Variants in MAN1C1 observed in about 807,000 individuals in gnomAD.
The protein encoded by MAN1C1 is mannosyl-oligosaccharide 1,2-alpha-mannosidase IC.
A neutral mutation model predicts 71.5 loss-of-function variants in MAN1C1; 49 were observed. That is an observed-to-expected ratio of 0.69 (90% confidence interval 0.54 to 0.87). The LOEUF is 0.87. Among genes scored for constraint, MAN1C1 ranks in the 40% least tolerant of loss-of-function variants. The pLI is 0.00. For synonymous variants in MAN1C1, 352 were observed against 343.7 expected (o/e 1.02, Z -0.27); for missense variants, 743 against 835.0 (o/e 0.89, Z 1.36).
intron 4 of MAN1C1, among the ~76,000 whole-genome samples, chr1:25,752,153 C>G (rs1341128473): frequency 6.6e-6 from 1 of 152,124 alleles, no homozygotes; most frequent in East Asian, 1.9e-4. Context: ...CAGCTGCACA[C>G]GTGAGGTTGG....
chr1:25,692,925 A>G (rs1419358938), intron 2 of MAN1C1, among the ~76,000 whole-genome samples: 7 of 152,148 alleles, frequency 4.6e-5, no homozygotes, highest in African/African-American at 1.7e-4. Flanking sequence ...CTTCCACCAT[A>G]GGAACATCTT....
intron 1 of MAN1C1, among the ~76,000 whole-genome samples, chr1:25,671,431 G>A (rs1439958441): frequency 6.6e-6 from 1 of 152,154 alleles, no homozygotes; most frequent in Non-Finnish European, 1.5e-5. Flanking sequence ...TAGGGGTTGG[G>A]GATACAGAGG....
chr1:25,739,869 A>G (rs1219439298), intron 2 of MAN1C1, among the ~76,000 whole-genome samples: 2 of 152,134 alleles, frequency 1.3e-5, no homozygotes, highest in Non-Finnish European at 2.9e-5. Context: ...TGTTCAGCCG[A>G]ACCCCTTACC....
intron 2 of MAN1C1, among the ~76,000 whole-genome samples, chr1:25,701,823 G>A (rs977992657): frequency 9.9e-5 from 15 of 152,176 alleles, no homozygotes; most frequent in African/African-American, 2.2e-4. Context: ...ACTTTGGGAG[G>A]CCCAGGCGGG....
chr1:25,684,533 A>C (rs118065447), intron 1 of MAN1C1, among the ~76,000 whole-genome samples: 1 of 152,294 alleles, frequency 6.6e-6, no homozygotes, highest in East Asian at 1.9e-4. Flanking sequence ...CCTCAGTTAC[A>C]TCATCTGTGA....
At position 25,746,915 on chromosome 1, in the gene MAN1C1, G is replaced by A. The variant is rs746302583; in HGVS notation, c.753+132G>A. ...CACGGCTGCACAGCCCAGCAGTCTC[G>A]GAACCGGAGCTGCCGTGCAGTCTGT... On this transcript the variant is annotated intron_variant, in intron 3 of 11. Coordinates refer to ENST00000374332, the MANE Select transcript of MAN1C1 (RefSeq NM_020379.4). This position sits in a 1 kb window ranked among gnomAD's most constrained non-coding sequence, Gnocchi z 4.0. 2.4e-5 allele frequency: 16 copies of A among 656,904 alleles called. No homozygotes were observed. Among genetic ancestry groups the A allele is most frequent in the South Asian group, 2.3e-4 (12 of 51,900 alleles). 40.7% of individuals were successfully genotyped at this position (656,904 alleles called of 1,614,324 possible). A position where few individuals can be genotyped will look rare whatever the true frequency, so the allele number is the denominator to read the frequency against.
intron 7 of MAN1C1, among the ~76,000 whole-genome samples, chr1:25,768,462 T>A (rs1294914057): frequency 9.4e-5 from 7 of 74,502 alleles, no homozygotes; most frequent in Admixed American, 1.8e-4. Flanking sequence ...CACACTCCCC[T>A]CACACACACA....
chr1:25,758,098 G>A (rs2047313295), intron 5 of MAN1C1, among the ~76,000 whole-genome samples: 1 of 152,214 alleles, frequency 6.6e-6, no homozygotes, highest in South Asian at 2.1e-4. Flanking sequence ...TGCTGGGAGA[G>A]GGAAAGAGCT....
In MAN1C1 at chr1:25,650,761, C is replaced by T. The variant is rs1476225422; in HGVS notation, c.540+32424C>T. On this transcript the variant is annotated intron_variant, in intron 1 of 11. Coordinates refer to ENST00000374332, the MANE Select transcript of MAN1C1 (RefSeq NM_020379.4). ...AATGGCTATTAGGAGAGCTGGCTGC[C>T]CACTTTCACTCTTGGCTTGTGCAAG... Among the ~76,000 whole-genome samples the T allele has an allele frequency of 3.9e-5, 6 of 152,236 alleles. No homozygotes were observed. The South Asian group carries it at 8.3e-4, about 21-fold the overall frequency.
At position 25,746,699 on chromosome 1, in the gene MAN1C1, C is replaced by T. The variant is rs751410560; in HGVS notation, c.669C>T (p.Ser223=). Residue 223 remains serine (S), a synonymous_variant, in exon 3 of 12, where the codon TCC becomes TCT. Transcript: ENST00000374332. This position sits in a 1 kb window ranked among gnomAD's most constrained non-coding sequence, Gnocchi z 4.0. ...TCAGCGGGGCAACAGTCATTGACTC[C>T]CTCGATACCCTCTACCTCATGGAGC... is the stretch of plus-strand genomic sequence containing the variant. ...GGLSGATVID[S]LDTLYLMELK... is the part of the protein sequence containing the mutation. The T allele has an allele frequency of 3.1e-6, 5 of 1,613,956 alleles. No homozygotes were observed. The South Asian group carries it at 5.5e-5, about 18-fold the overall frequency.
At position 25,618,139 on chromosome 1, in the gene MAN1C1, C is replaced by A; in HGVS notation, c.342C>A (p.Pro114=). Residue 114 remains proline (P), a synonymous_variant, in exon 1 of 12, where the codon CCC becomes CCA. Coordinates refer to ENST00000374332, the MANE Select transcript of MAN1C1 (RefSeq NM_020379.4). ...RRKGGLRRTR[P]TGPREEATAA... ...AAGGGGGGCTGCGGCGCACCCGCCC[C>A]ACTGGACCCCGCGAGGAGGCCACGG... 2 of 1,533,630 alleles carry A rather than the reference C, an allele frequency of 1.3e-6. No individual in the cohort carries two copies. Among genetic ancestry groups the A allele is most frequent in the East Asian group, 2.5e-5 (1 of 40,024 alleles).
At position 25,776,212 on chromosome 1, in the gene MAN1C1, T is replaced by A. The variant is rs1234417768; in HGVS notation, c.1258-1893T>A. 1.3e-5 allele frequency among the ~76,000 whole-genome samples: 2 copies of A among 152,310 alleles called. No individual in the cohort carries two copies. Among genetic ancestry groups the A allele is most frequent in the Middle Eastern group, 3.4e-3 (1 of 294 alleles). ...CCTCCCCGCATACCCCTGCATTTTT[T>A]AATCTCATCCTCTCACTTTGTTTTA... On this transcript the variant is annotated intron_variant, in intron 8 of 11. Coordinates refer to ENST00000374332, the MANE Select transcript of MAN1C1 (RefSeq NM_020379.4). This position sits in a 1 kb window ranked among gnomAD's most constrained non-coding sequence, Gnocchi z 4.3.
At chr1:25,716,410 G>A (rs2046681768) in intron 2 of MAN1C1, among the ~76,000 whole-genome samples, 3 of 152,168 alleles carry the variant, frequency 2.0e-5, no homozygotes, top group Admixed American at 2.0e-4. Flanking sequence ...TCGGCTCACT[G>A]CAACCTCCAC....
At position 25,758,701 on chromosome 1, in the gene MAN1C1, G is replaced by A. The variant is rs746483282; in HGVS notation, c.1039G>A (p.Ala347Thr). The stretch of plus-strand genomic sequence containing the variant: ...TGAACTCTCTGGCAACCAGGTCTTC[G>A]CTGAAAAGGCAAGTCTCCTCCCCAC... ...LTELSGNQVF[A>T]EKVRNIRKVL... The change falls in exon 6 of 12, where the codon GCT (alanine) becomes ACT (threonine). Residue 347 changes from alanine (A) to threonine (T), a missense_variant. Physicochemically the swap from Ala to Thr is moderately conservative, Grantham distance 58. Coordinates refer to ENST00000374332, the MANE Select transcript of MAN1C1 (RefSeq NM_020379.4). 2.7e-5 allele frequency: 44 copies of A among 1,613,430 alleles called. No individual in the cohort carries two copies. Among genetic ancestry groups the A allele is most frequent in the East Asian group, 4.5e-5 (2 of 44,884 alleles).
At chr1:25,677,309 T>C (rs2046082489) in intron 1 of MAN1C1, among the ~76,000 whole-genome samples, 2 of 152,076 alleles carry the variant, frequency 1.3e-5, no homozygotes, top group Non-Finnish European at 2.9e-5. Flanking sequence ...AGGGAAGGCT[T>C]TGTGGTCTAT....
At chr1:25,677,176 A>G (rs1369418375) in intron 1 of MAN1C1, among the ~76,000 whole-genome samples, 2 of 152,246 alleles carry the variant, frequency 1.3e-5, no homozygotes, top group East Asian at 3.8e-4. Context: ...TTGTTCAGGT[A>G]GACAAGAACA....
Position 25,618,309 on chromosome 1 carries a change from T to G in MAN1C1, c.512T>G (p.Val171Gly). The change falls in exon 1 of 12, where the codon GTG (valine) becomes GGG (glycine). Residue 171 changes from valine to glycine, a missense_variant. Coordinates refer to ENST00000374332, the MANE Select transcript of MAN1C1 (RefSeq NM_020379.4). ...ADESQEPQSQ[V>G]RAQREKIKEM... Reference sequence around the variant, plus strand: ...GAGAGTCAGGAGCCCCAGAGCCAAGTGCGAGCCCAGCGGGAGAAAATCAAG... The same window carrying G: ...GAGAGTCAGGAGCCCCAGAGCCAAGGGCGAGCCCAGCGGGAGAAAATCAAG... 1.2e-6 allele frequency: 2 copies of G among 1,602,974 alleles called. No individual in the cohort carries two copies.
intron 1 of MAN1C1, among the ~76,000 whole-genome samples, chr1:25,673,166 A>T (rs1355571971): frequency 6.6e-6 from 1 of 152,210 alleles, no homozygotes; most frequent in Non-Finnish European, 1.5e-5. Context: ...AGCCAGCAGC[A>T]GGATGACAGC....
At chr1:25,661,299 T>G (rs895089016) in intron 1 of MAN1C1, among the ~76,000 whole-genome samples, 1 of 152,248 alleles carries the variant, frequency 6.6e-6, no homozygotes, top group Non-Finnish European at 1.5e-5. Context: ...CTGACTCATT[T>G]ATTTAACAAA....
Sources: gnomAD v4.1 joint callset for allele counts (sites outside exome capture counted in the v4.1 genomes callset) on GRCh38, gnomAD v4.1.1 for gene constraint, Gnocchi (gnomAD v3.1) non-coding constraint, MANE v1.5 for transcripts, NCBI Gene and HGNC (gene_info 2026-07-23, HGNC 2026-07-21) for gene names.